TBL1XR1: variants seen among roughly 807,000 people sequenced by gnomAD.
TBL1XR1 encodes the protein TBL1X/Y related 1.
TBL1XR1 carries 5 observed loss-of-function variants against 66.9 expected under a neutral mutation model. The observed-to-expected ratio is 0.07, with a 90% CI of 0.04 to 0.16. The LOEUF is 0.16. Among genes scored for constraint, TBL1XR1 ranks in the 10% least tolerant of loss-of-function variants. The probability of loss-of-function intolerance (pLI) is 1.00; values close to 1 mark genes in which losing one functional copy is unlikely to be tolerated. For missense variants in TBL1XR1, 238 were observed against 623.2 expected (o/e 0.38, Z 6.58); for synonymous variants, 210 against 206.0 (o/e 1.02, Z -0.17).
At chr3:177,193,280 A>G (rs1185051113) in intron 1 of TBL1XR1, among the ~76,000 whole-genome samples, 1 of 152,132 alleles carries the variant, frequency 6.6e-6, no homozygotes, top group African/African-American at 2.4e-5. Context: ...GCTACAACAC[A>G]AAGACTTCAA....
chr3:177,037,804 C>G, intron 12 of TBL1XR1: 1 of 246,230 alleles, frequency 4.1e-6, no homozygotes, highest in South Asian at 8.7e-5. Context: ...ATCCATCCAT[C>G]CATCTTCTTA....
intron 2 of TBL1XR1, among the ~76,000 whole-genome samples, chr3:177,075,413 A>G (rs1720579507): frequency 6.6e-6 from 1 of 152,210 alleles, no homozygotes; most frequent in Non-Finnish European, 1.5e-5. Flanking sequence ...TCTTATTTCC[A>G]TTCCAAATAA....
chr3:177,080,397 C>A (rs552549898), intron 2 of TBL1XR1, among the ~76,000 whole-genome samples: 14 of 151,998 alleles, frequency 9.2e-5, no homozygotes, highest in Non-Finnish European at 1.8e-4. Context: ...TGATAAAGTG[C>A]CCATAACTGC....
At position 177,146,589 on chromosome 3, in the gene TBL1XR1, C is replaced by CAAAAAAAAAAAAAAAAAAAAAAAAAA. The variant is rs78065426; in HGVS notation, c.-121-48049_-121-48048insTTTTTTTTTTTTTTTTTTTTTTTTTT. ...TGGGCAGCTGAGCGAGACTCCATCT[C>CAAAAAAAAAAAAAAAAAAAAAAAAAA]AAAAAAAAAAAAAAAAAAGTTGTAT... On this transcript the variant is annotated intron_variant, in intron 1 of 15. Transcript: ENST00000457928. Among the ~76,000 whole-genome samples, 51 of 51,944 alleles carry CAAAAAAAAAAAAAAAAAAAAAAAAAA rather than the reference C, an allele frequency of 9.8e-4. 9 individuals are homozygous for CAAAAAAAAAAAAAAAAAAAAAAAAAA. Among genetic ancestry groups the CAAAAAAAAAAAAAAAAAAAAAAAAAA allele is most frequent in the South Asian group, 1.6e-3 (2 of 1,288 alleles). The allele number at this position is 51,944 out of a possible 152,430, so 34.1% of individuals were successfully genotyped here.
chr3:177,071,806 T>C (rs1004096346), intron 2 of TBL1XR1, among the ~76,000 whole-genome samples: 2 of 152,146 alleles, frequency 1.3e-5, no homozygotes, highest in African/African-American at 4.8e-5. Context: ...TGACATAAAT[T>C]GGAGAAGGCT....
chr3:177,075,227 A>C (rs971494710), intron 2 of TBL1XR1, among the ~76,000 whole-genome samples: 7 of 152,186 alleles, frequency 4.6e-5, no homozygotes, highest in African/African-American at 1.7e-4. Context: ...TGTAGCGGCA[A>C]AATTAGTCTC....
chr3:177,046,955 T>G (rs1460419353), intron 9 of TBL1XR1, among the ~76,000 whole-genome samples: 1 of 152,284 alleles, frequency 6.6e-6, no homozygotes, highest in South Asian at 2.1e-4. Context: ...GGAGTTCGGC[T>G]AACAGACCAG....
At chr3:177,186,143 G>A (rs897297742) in intron 1 of TBL1XR1, among the ~76,000 whole-genome samples, 14 of 152,164 alleles carry the variant, frequency 9.2e-5, no homozygotes, top group Admixed American at 2.6e-4. Context: ...TGATACACCT[G>A]GGGTTTTTTT....
At chr3:177,170,055 A>C (rs1733277460) in intron 1 of TBL1XR1, among the ~76,000 whole-genome samples, 1 of 152,136 alleles carries the variant, frequency 6.6e-6, no homozygotes. Context: ...TCTGAGAACC[A>C]CTATTCCACT....
intron 1 of TBL1XR1, among the ~76,000 whole-genome samples, chr3:177,120,377 G>A (rs1726845365): frequency 1.3e-5 from 2 of 152,090 alleles, no homozygotes; most frequent in Non-Finnish European, 1.5e-5. Context: ...TAGAGAACAA[G>A]GTCTAGACAG....
At chr3:177,060,341 T>A (rs1718357402) in intron 3 of TBL1XR1, among the ~76,000 whole-genome samples, 1 of 152,230 alleles carries the variant, frequency 6.6e-6, no homozygotes, top group African/African-American at 2.4e-5. Context: ...TAAAAAGTAA[T>A]AATATTCAGA....
chr3:177,071,031 G>GTTTTTTTTTTT (rs764951521), intron 2 of TBL1XR1, among the ~76,000 whole-genome samples: 11,609 of 103,450 alleles, frequency 0.11, 1,553 homozygotes, highest in Non-Finnish European at 0.15. Flanking sequence ...CTGAGAATCT[G>GTTTTTTTTTTT]TTTTTTTTTT....
At chr3:177,180,942 A>G (rs891871513) in intron 1 of TBL1XR1, among the ~76,000 whole-genome samples, 1 of 151,996 alleles carries the variant, frequency 6.6e-6, no homozygotes, top group African/African-American at 2.4e-5. Context: ...CATGTTGGTC[A>G]GGCTGGTCTT....
At chr3:177,035,009 C>T (rs931774895) in intron 12 of TBL1XR1, among the ~76,000 whole-genome samples, 5 of 151,852 alleles carry the variant, frequency 3.3e-5, no homozygotes, top group African/African-American at 1.2e-4. Flanking sequence ...CATACACATA[C>T]AACATGCCAA....
At chr3:177,087,316 A>G (rs1197061206) in intron 2 of TBL1XR1, among the ~76,000 whole-genome samples, 1 of 152,022 alleles carries the variant, frequency 6.6e-6, no homozygotes, top group Non-Finnish European at 1.5e-5. Context: ...CTATAATCAT[A>G]AGCCCTTAGG....
intron 2 of TBL1XR1, among the ~76,000 whole-genome samples, chr3:177,080,641 A>G (rs1721280111): frequency 2.6e-5 from 4 of 152,132 alleles, no homozygotes; most frequent in Admixed American, 2.6e-4. Context: ...ATTTTTTTTC[A>G]GTGACACACA....
chr3:177,191,012 G>T (rs1458475791), intron 1 of TBL1XR1, among the ~76,000 whole-genome samples: 3 of 152,130 alleles, frequency 2.0e-5, no homozygotes, highest in African/African-American at 7.2e-5. Flanking sequence ...ATGGAAGAAG[G>T]GGGACTGAAA....
chr3:177,182,150 G>A (rs1022440950), intron 1 of TBL1XR1, among the ~76,000 whole-genome samples: 3 of 151,966 alleles, frequency 2.0e-5, no homozygotes, highest in African/African-American at 7.2e-5. Context: ...AGTTTGGGAA[G>A]CTACAGCAGG....
intron 1 of TBL1XR1, among the ~76,000 whole-genome samples, chr3:177,151,932 G>A (rs1259899996): frequency 6.6e-6 from 1 of 152,146 alleles, no homozygotes; most frequent in African/African-American, 2.4e-5. Context: ...GCTGAGGCAG[G>A]AGAATCACTT....
Sources: gnomAD v4.1 joint callset for allele counts (sites outside exome capture counted in the v4.1 genomes callset) on GRCh38, gnomAD v4.1.1 for gene constraint, MANE v1.5 for transcripts, NCBI Gene and HGNC (gene_info 2026-07-23, HGNC 2026-07-21) for gene names.